Variants in CCDC175 observed in about 807,000 individuals in gnomAD.
CCDC175 encodes the protein coiled-coil domain-containing protein 175.
Under a neutral mutation model 114.6 loss-of-function variants are expected in CCDC175, and 100 were observed. That is an observed-to-expected ratio of 0.87 (90% CI 0.74 to 1.03). The LOEUF (loss-of-function observed/expected upper bound fraction) is 1.03. Ranked by LOEUF, CCDC175 falls within the 50% of genes least tolerant of loss-of-function variation. The probability of loss-of-function intolerance (pLI) is 0.00; values close to 1 mark genes in which losing one functional copy is unlikely to be tolerated. For missense variants in CCDC175, 880 were observed against 917.8 expected (o/e 0.96, Z 0.53); for synonymous variants, 306 against 308.7 (o/e 0.99, Z 0.09).
chr14:59,516,959 A>C (rs566397895), intron 17 of CCDC175, among the ~76,000 whole-genome samples: 58 of 152,308 alleles, frequency 3.8e-4, no homozygotes, highest in African/African-American at 1.2e-3. Flanking sequence ...CACATCAAAA[A>C]GCTTATCCAC....
At chr14:59,525,126 G>A (rs963331645) in intron 16 of CCDC175, among the ~76,000 whole-genome samples, 156 bp downstream of exon 16, 1 of 152,126 alleles carries the variant, frequency 6.6e-6, no homozygotes, top group Non-Finnish European at 1.5e-5. Flanking sequence ...GTGTGTTCAT[G>A]GGGCTGTACA....
chr14:59,520,288 C>T (rs1263152342), intron 17 of CCDC175, among the ~76,000 whole-genome samples: 1 of 152,066 alleles, frequency 6.6e-6, no homozygotes, highest in Non-Finnish European at 1.5e-5. Flanking sequence ...AAAATATTAA[C>T]AATTTAAAGC....
intron 7 of CCDC175, among the ~76,000 whole-genome samples, chr14:59,551,834 C>A (rs1371491468): frequency 3.9e-5 from 6 of 152,230 alleles, no homozygotes; most frequent in Admixed American, 3.9e-4. Flanking sequence ...CCGCGCATGG[C>A]TCAGAGGATC....
In CCDC175 at chr14:59,511,741, A is replaced by T; in HGVS notation, c.2142+19T>A. 3.9e-6 allele frequency: 6 copies of T among 1,531,910 alleles called. No homozygotes were observed. Among genetic ancestry groups the T allele is most frequent in the Non-Finnish European group, 4.4e-6 (5 of 1,142,076 alleles). 94.9% of individuals were successfully genotyped at this position (1,531,910 alleles called of 1,614,324 possible). ...AATATGATATTTATATGGAGGCAAC[A>T]GACACACGCAAAACTCACCTTAACT... On this transcript the variant is annotated intron_variant, in intron 18 of 19. Coordinates refer to ENST00000537690, the MANE Select transcript of CCDC175 (RefSeq NM_001164399.2).
At position 59,574,679 on chromosome 14, in the gene CCDC175, A is replaced by T. The variant is rs73305695; in HGVS notation, c.243+264T>A. Among the ~76,000 whole-genome samples, 967 of 152,292 alleles carry T rather than the reference A, an allele frequency of 6.3e-3. 9 individuals carry two copies. The highest frequency in any genetic ancestry group is 0.022 in the African/African-American group (930 of 41,560). ...TCTTAACTGAACCGTATTATCACCC[A>T]CATTGCTTTCTCTAAATGAGCTTGC... On this transcript the variant is annotated intron_variant, in intron 2 of 19. Coordinates refer to ENST00000537690, the MANE Select transcript of CCDC175 (RefSeq NM_001164399.2).
At chr14:59,559,111 G>C (rs2140099038) in intron 7 of CCDC175, among the ~76,000 whole-genome samples, 1 of 152,222 alleles carries the variant, frequency 6.6e-6, no homozygotes, top group East Asian at 1.9e-4. Flanking sequence ...AACCACGTTG[G>C]CGCAAAAAAG....
intron 16 of CCDC175, among the ~76,000 whole-genome samples, chr14:59,524,170 T>G (rs1313045366): frequency 6.6e-6 from 1 of 152,172 alleles, no homozygotes; most frequent in Non-Finnish European, 1.5e-5. Flanking sequence ...TAAATTTTTG[T>G]TGTTACTGTT....
intron 4 of CCDC175, 55 bp from the exon 5 acceptor site, chr14:59,565,330 A>T (rs908111078): frequency 7.4e-7 from 1 of 1,353,306 alleles, no homozygotes; most frequent in Middle Eastern, 1.8e-4. Flanking sequence ...AGAAAGGAAT[A>T]GTCTGTGTGG....
At chr14:59,554,342 G>A (rs1045431176) in intron 7 of CCDC175, among the ~76,000 whole-genome samples, 5 of 152,176 alleles carry the variant, frequency 3.3e-5, no homozygotes, top group African/African-American at 1.2e-4. Flanking sequence ...CATGGAAACT[G>A]AACAACCTGT....
At position 59,545,330 on chromosome 14, in the gene CCDC175, G is replaced by A. The variant is rs751313302; in HGVS notation, c.1036-31C>T. The A allele has an allele frequency of 4.6e-6, 7 of 1,533,518 alleles. 1 individual carries two copies. Among genetic ancestry groups the A allele is most frequent in the Middle Eastern group, 1.7e-4 (1 of 5,978 alleles). 95.0% of individuals were successfully genotyped at this position (1,533,518 alleles called of 1,614,324 possible). The stretch of plus-strand genomic sequence containing the variant: ...GAAAAACAAAGGAGGTGAATGAGAG[G>A]ACTGGCTTCACTGCTCCTCTGAGGC... On this transcript the variant is annotated intron_variant, in intron 8 of 19. Coordinates refer to ENST00000537690, the MANE Select transcript of CCDC175 (RefSeq NM_001164399.2).
chr14:59,508,577 A>AAAAAG (rs1892578792), intron 19 of CCDC175, among the ~76,000 whole-genome samples: 1 of 150,930 alleles, frequency 6.6e-6, no homozygotes, highest in East Asian at 1.9e-4. Context: ...AAAAAAAAAA[A>AAAAAG]AAAAAAAAGA....
chr14:59,522,741 G>A (rs1056298094), intron 16 of CCDC175, among the ~76,000 whole-genome samples: 50 of 149,422 alleles, frequency 3.3e-4, no homozygotes, highest in Non-Finnish European at 5.9e-4. Context: ...GATACACAGT[G>A]AGAGTTCTCC....
chr14:59,542,404 G>A (rs1894841364), intron 10 of CCDC175, among the ~76,000 whole-genome samples: 1 of 151,952 alleles, frequency 6.6e-6, no homozygotes, highest in Non-Finnish European at 1.5e-5. Context: ...AGGTCATTTT[G>A]ACAATCATTA....
chr14:59,519,320 A>G (rs1157155509), intron 17 of CCDC175, among the ~76,000 whole-genome samples: 1 of 151,674 alleles, frequency 6.6e-6, no homozygotes, highest in African/African-American at 2.4e-5. Flanking sequence ...GTATAGTAAT[A>G]AAAAAAAAGT....
intron 17 of CCDC175, among the ~76,000 whole-genome samples, chr14:59,519,614 A>G (rs1437283142): frequency 6.6e-6 from 1 of 152,220 alleles, no homozygotes; most frequent in Non-Finnish European, 1.5e-5. Flanking sequence ...ACACAAAGCA[A>G]TGAGTAAAAG....
At chr14:59,534,048 A>C (rs1276517012) in intron 13 of CCDC175, among the ~76,000 whole-genome samples, 1 of 151,998 alleles carries the variant, frequency 6.6e-6, no homozygotes, top group Non-Finnish European at 1.5e-5. Flanking sequence ...TTTTTAAACA[A>C]GAATAGCCTG....
chr14:59,505,920 A>G (rs565597318), intron 19 of CCDC175, among the ~76,000 whole-genome samples: 31 of 152,130 alleles, frequency 2.0e-4, no homozygotes, highest in Admixed American at 5.2e-4. Context: ...GTATTTTCAG[A>G]TTTTGGAATA....
chr14:59,506,130 A>ATAAC (rs1228605406), intron 19 of CCDC175, among the ~76,000 whole-genome samples: 1 of 152,106 alleles, frequency 6.6e-6, no homozygotes, highest in Non-Finnish European at 1.5e-5. Flanking sequence ...GATAAATTTA[A>ATAAC]TAACTACCTT....
chr14:59,522,452 A>G (rs1291849061), intron 16 of CCDC175, among the ~76,000 whole-genome samples: 1 of 152,194 alleles, frequency 6.6e-6, no homozygotes, highest in Non-Finnish European at 1.5e-5. Context: ...ATATTATAGT[A>G]AACAAAAGTA....
Sources: gnomAD v4.1 joint callset for allele counts (sites outside exome capture counted in the v4.1 genomes callset) on GRCh38, gnomAD v4.1.1 for gene constraint, MANE v1.5 for transcripts, NCBI Gene and HGNC (gene_info 2026-07-23, HGNC 2026-07-21) for gene names.